Variants in DPP10 observed in about 807,000 individuals in gnomAD.
The protein encoded by DPP10 is inactive dipeptidyl peptidase 10.
DPP10 carries 33 observed loss-of-function variants against 120.9 expected under a neutral mutation model. The ratio of observed to expected loss-of-function variants is 0.27; its 90% CI spans 0.21 to 0.37. DPP10 has a LOEUF of 0.37. DPP10 is among the 10% of genes least tolerant of loss of function. The probability of loss-of-function intolerance (pLI) is 1.00; values close to 1 mark genes in which losing one functional copy is unlikely to be tolerated. For synonymous variants in DPP10, 337 were observed against 326.1 expected (o/e 1.03, Z -0.36); for missense variants, 816 against 942.8 (o/e 0.87, Z 1.76).
intron 5 of DPP10, among the ~76,000 whole-genome samples, chr2:115,561,328 C>T (rs1024816524): frequency 1.6e-5 from 2 of 122,672 alleles, no homozygotes; most frequent in Non-Finnish European, 3.2e-5. Flanking sequence ...CACTGCACTC[C>T]AGCCTGGGTG....
At chr2:115,728,442 T>C (rs1488216212) in intron 8 of DPP10, among the ~76,000 whole-genome samples, 6 of 152,106 alleles carry the variant, frequency 3.9e-5, no homozygotes. Flanking sequence ...GTTTTAGTAA[T>C]AGCTGAGAAT....
At position 115,156,528 on chromosome 2, in the gene DPP10, TA is replaced by T. The variant is rs1409707974; in HGVS notation, c.61-152710del. On this transcript the variant is annotated intron_variant, in intron 1 of 25. Coordinates refer to ENST00000410059, the MANE Select transcript of DPP10 (RefSeq NM_020868.6). ...CCAAAAATTAGTCAAGATCTTACAGTAGAATTTTCTCTTTCGATTTGTAAAA... is the reference window on the plus strand; with the variant it reads ...CCAAAAATTAGTCAAGATCTTACAGTGAATTTTCTCTTTCGATTTGTAAAA... Among the ~76,000 whole-genome samples the T allele has an allele frequency of 3.3e-5, 5 of 152,208 alleles. No individual in the cohort carries two copies. In the East Asian group the frequency reaches 9.6e-4, roughly 29 times the overall value.
chr2:115,608,519 G>A (rs970039041), intron 5 of DPP10, among the ~76,000 whole-genome samples: 1 of 152,128 alleles, frequency 6.6e-6, no homozygotes, highest in Non-Finnish European at 1.5e-5. Context: ...GAGAAAAGAT[G>A]CGACATTGCC....
intron 13 of DPP10, among the ~76,000 whole-genome samples, chr2:115,770,863 T>G (rs1681375458): frequency 6.6e-6 from 1 of 152,170 alleles, no homozygotes; most frequent in South Asian, 2.1e-4. Context: ...TACATTCTTT[T>G]TTCATGAGAA....
At chr2:115,640,823 A>G (rs866770509) in intron 5 of DPP10, among the ~76,000 whole-genome samples, 1 of 152,182 alleles carries the variant, frequency 6.6e-6, no homozygotes, top group African/African-American at 2.4e-5. Context: ...TATGTGAAAG[A>G]TGTTTCTGCA....
At chr2:114,900,212 C>A (rs1693439186) in intron 1 of DPP10, among the ~76,000 whole-genome samples, 1 of 152,000 alleles carries the variant, frequency 6.6e-6, no homozygotes, top group Non-Finnish European at 1.5e-5. Flanking sequence ...GGGTTCTTAC[C>A]AAAACAAGGT....
intron 1 of DPP10, among the ~76,000 whole-genome samples, chr2:114,994,411 C>T (rs1468765895): frequency 6.6e-6 from 1 of 152,156 alleles, no homozygotes; most frequent in Admixed American, 6.5e-5. Context: ...ATCTCCAAAA[C>T]ATTGTGAAGC....
At chr2:115,567,534 A>AT (rs35001379) in intron 5 of DPP10, among the ~76,000 whole-genome samples, 95,448 of 148,076 alleles carry the variant, frequency 0.64, 30,767 homozygotes, top group Middle Eastern at 0.76. Context: ...AGATTTTCTC[A>AT]TTTTTTTTTT....
intron 1 of DPP10, among the ~76,000 whole-genome samples, chr2:114,472,381 G>A (rs926991391): frequency 2.0e-5 from 3 of 152,180 alleles, no homozygotes; most frequent in African/African-American, 4.8e-5. Flanking sequence ...GCAGAGAAAG[G>A]ATTTATAATT....
At chr2:114,724,160 C>A (rs1701890205) in intron 1 of DPP10, among the ~76,000 whole-genome samples, 1 of 152,202 alleles carries the variant, frequency 6.6e-6, no homozygotes, top group Non-Finnish European at 1.5e-5. Flanking sequence ...CCCAGAGAGG[C>A]TTTAAAATGT....
At chr2:115,415,120 G>A (rs899042397) in intron 3 of DPP10, among the ~76,000 whole-genome samples, 1 of 152,098 alleles carries the variant, frequency 6.6e-6, no homozygotes, top group Non-Finnish European at 1.5e-5. Context: ...TTACTAGGTG[G>A]TTTTCCTGGT....
intron 1 of DPP10, among the ~76,000 whole-genome samples, chr2:114,660,259 A>G (rs555994728): frequency 6.6e-6 from 1 of 152,338 alleles, no homozygotes; most frequent in East Asian, 1.9e-4. Flanking sequence ...AATATGCTTA[A>G]TATTTACAGG....
rs112036247 is a variant in DPP10, at chr2:114,822,198, G to A, written c.60+379360G>A. ...TTTTTACATCCTCTGAAATCTAGGC[G>A]GAGGTTCCCAAACCTCAGTTCATGA... is the stretch of plus-strand genomic sequence containing the variant. On this transcript the variant is annotated intron_variant, in intron 1 of 25. Coordinates refer to ENST00000410059, the MANE Select transcript of DPP10 (RefSeq NM_020868.6). Among the ~76,000 whole-genome samples the A allele has an allele frequency of 2.2e-3, 329 of 152,194 alleles. 1 individual carries two copies. Among genetic ancestry groups the A allele is most frequent in the South Asian group, 7.5e-3 (36 of 4,812 alleles).
chr2:115,312,313 A>G (rs924509548), intron 2 of DPP10, among the ~76,000 whole-genome samples: 2 of 152,136 alleles, frequency 1.3e-5, no homozygotes, highest in African/African-American at 4.8e-5. Flanking sequence ...AAGTATAACA[A>G]CTAGTGGTTA....
chr2:114,896,719 C>T (rs533447314), intron 1 of DPP10, among the ~76,000 whole-genome samples: 1 of 152,216 alleles, frequency 6.6e-6, no homozygotes, highest in East Asian at 1.9e-4. Context: ...TAATTGAATA[C>T]CCTTTATTTC....
At chr2:114,711,676 G>A (rs776090279) in intron 1 of DPP10, among the ~76,000 whole-genome samples, 27 of 152,096 alleles carry the variant, frequency 1.8e-4, no homozygotes, top group Non-Finnish European at 3.2e-4. Flanking sequence ...CTCTGAGACT[G>A]TCCACGTTTT....
chr2:115,138,872 T>A, intron 1 of DPP10, among the ~76,000 whole-genome samples: 1 of 152,196 alleles, frequency 6.6e-6, no homozygotes, highest in South Asian at 2.1e-4. Flanking sequence ...TTAATTTATG[T>A]GTATTTCCTT....
intron 1 of DPP10, among the ~76,000 whole-genome samples, chr2:114,603,268 C>T (rs375555401): frequency 1.8e-4 from 28 of 151,616 alleles, no homozygotes; most frequent in East Asian, 1.7e-3. Flanking sequence ...AATTTTCATA[C>T]GAAAAAAATG....
In DPP10 at chr2:114,583,255, C is replaced by T. The variant is rs571896070; in HGVS notation, c.60+140417C>T. Among the ~76,000 whole-genome samples, 19 of 152,208 alleles carry T rather than the reference C, an allele frequency of 1.2e-4. No homozygotes were observed. The East Asian group carries it at 3.7e-3, about 29-fold the overall frequency. On this transcript the variant is annotated intron_variant, in intron 1 of 25. Transcript: ENST00000410059. ...AATAATGCTTATATTCTGCTAAGTC[C>T]CTGCCTTGTATTTTTGTTAACAGAC...
Sources: allele counts gnomAD v4.1 joint callset (sites outside exome capture counted in the v4.1 genomes callset), GRCh38; gene constraint gnomAD v4.1.1; transcripts MANE v1.5; gene names NCBI Gene and HGNC (gene_info 2026-07-23, HGNC 2026-07-21).